ROBO2: variants seen among roughly 807,000 people sequenced by gnomAD.
ROBO2 encodes roundabout guidance receptor 2.
A neutral mutation model predicts 160.8 loss-of-function variants in ROBO2; 53 were observed. That is an observed-to-expected ratio of 0.33 (90% CI 0.26 to 0.41). The LOEUF (loss-of-function observed/expected upper bound fraction) is 0.41, where lower values mean the gene tolerates loss of function less well. Among genes scored for constraint, ROBO2 ranks in the 10% least tolerant of loss-of-function variants. ROBO2 has a pLI of 1.00. For missense variants in ROBO2, 1,577 were observed against 1,722.4 expected (o/e 0.92, Z 1.49); for synonymous variants, 664 against 611.7 (o/e 1.09, Z -1.26).
intron 2 of ROBO2, among the ~76,000 whole-genome samples, chr3:76,629,794 A>G (rs1399631697): frequency 6.6e-6 from 1 of 152,214 alleles, no homozygotes; most frequent in African/African-American, 2.4e-5. Flanking sequence ...TAAATGTATT[A>G]TCAGCAAACT....
intron 2 of ROBO2, among the ~76,000 whole-genome samples, chr3:76,773,931 A>G (rs2108527232): frequency 6.6e-6 from 1 of 150,988 alleles, no homozygotes; most frequent in Non-Finnish European, 1.5e-5. Flanking sequence ...GGAGCTGTGA[A>G]ATTTGCTCCA....
chr3:76,507,010 C>T (rs2080833367), intron 2 of ROBO2, among the ~76,000 whole-genome samples: 1 of 152,064 alleles, frequency 6.6e-6, no homozygotes, highest in Admixed American at 6.5e-5. Context: ...TTGGAGTCTT[C>T]TCTCAGAAAT....
At chr3:76,624,525 C>T (rs572466433) in intron 2 of ROBO2, among the ~76,000 whole-genome samples, 19 of 143,082 alleles carry the variant, frequency 1.3e-4, no homozygotes, top group African/African-American at 4.8e-4. Context: ...AGGCCGGGCG[C>T]GGTGGGCTCA....
chr3:77,299,323 C>T (rs563686734), intron 2 of ROBO2, among the ~76,000 whole-genome samples: 2 of 152,208 alleles, frequency 1.3e-5, no homozygotes, highest in East Asian at 1.9e-4. Flanking sequence ...GAAGACTAGT[C>T]TGGAGATAAG....
intron 2 of ROBO2, among the ~76,000 whole-genome samples, chr3:77,274,432 T>G (rs1560400976): frequency 6.6e-6 from 1 of 152,118 alleles, no homozygotes; most frequent in Admixed American, 6.6e-5. Flanking sequence ...GAATATAAAA[T>G]TTTTAGAATT....
chr3:77,503,199 C>A (rs757017559), intron 5 of ROBO2, among the ~76,000 whole-genome samples: 1 of 151,464 alleles, frequency 6.6e-6, no homozygotes, highest in Admixed American at 6.6e-5. Flanking sequence ...TATGTACCCA[C>A]AAAAAATTTT....
chr3:76,640,614 T>G (rs1448852008), intron 2 of ROBO2, among the ~76,000 whole-genome samples: 4 of 151,870 alleles, frequency 2.6e-5, no homozygotes, highest in Non-Finnish European at 4.4e-5. Flanking sequence ...TGTGTGTGTG[T>G]GTGTGTGTGT....
intron 2 of ROBO2, among the ~76,000 whole-genome samples, chr3:76,448,837 A>T (rs976608960): frequency 6.6e-6 from 1 of 152,132 alleles, no homozygotes; most frequent in African/African-American, 2.4e-5. Flanking sequence ...AGGGTAAAGT[A>T]CCCACGGTTG....
At chr3:77,564,830 C>T in intron 11 of ROBO2, 124 bp from the exon 13 acceptor site, 1 of 843,066 alleles carries the variant, frequency 1.2e-6, no homozygotes, top group South Asian at 1.4e-5. Context: ...CTGAATACTT[C>T]AAGTGTTGTG....
chr3:77,042,541 A>G (rs969854899), intron 1 of ROBO2, among the ~76,000 whole-genome samples: 3 of 152,214 alleles, frequency 2.0e-5, no homozygotes, highest in African/African-American at 7.2e-5. Context: ...TAAATTGCTC[A>G]GTGGAAGTGA....
At chr3:76,987,730 T>C (rs6783342) in intron 2 of ROBO2, among the ~76,000 whole-genome samples, 43,848 of 152,014 alleles carry the variant, frequency 0.29, 6,872 homozygotes, top group East Asian at 0.65. Context: ...TTCTCATAGA[T>C]TTTTTGTACC....
At chr3:76,326,796 A>G (rs2107966022) in intron 2 of ROBO2, among the ~76,000 whole-genome samples, 1 of 103,724 alleles carries the variant, frequency 9.6e-6, no homozygotes, top group East Asian at 2.8e-4. Flanking sequence ...CAGTCCCCAG[A>G]GCGTGATGTT....
intron 22 of ROBO2, 39 bp downstream of exon 23, chr3:77,617,812 A>G (rs1369699727): frequency 6.2e-7 from 1 of 1,605,600 alleles, no homozygotes; most frequent in Non-Finnish European, 8.5e-7. Context: ...CATGCTTTCA[A>G]CACATGGAAA....
At chr3:76,456,015 T>G (rs1371571500) in intron 2 of ROBO2, among the ~76,000 whole-genome samples, 1 of 152,190 alleles carries the variant, frequency 6.6e-6, no homozygotes, top group Non-Finnish European at 1.5e-5. Context: ...GTGTTGATAA[T>G]AAGACAATAC....
chr3:76,554,716 A>G lies in ROBO2; in HGVS notation c.110-543298A>G, dbSNP rs185642985. The stretch of plus-strand genomic sequence containing the variant: ...AGGGAAACTGCTTCTATATAATGAG[A>G]GGCTTTCAGTATTTAATTGATTTAA... On this transcript the variant is annotated intron_variant, in intron 2 of 26. Coordinates refer to the ROBO2 transcript ENST00000487694. Among the ~76,000 whole-genome samples, 542 of 152,150 alleles carry G rather than the reference A, an allele frequency of 3.6e-3. 3 individuals carry two copies. Among genetic ancestry groups the G allele is most frequent in the Middle Eastern group, 6.8e-3 (2 of 294 alleles).
intron 2 of ROBO2, among the ~76,000 whole-genome samples, chr3:75,997,499 C>CTT (rs56890342): frequency 2.4e-5 from 3 of 126,524 alleles, no homozygotes; most frequent in Non-Finnish European, 3.3e-5. Flanking sequence ...TTCATCCATT[C>CTT]TTTTTTTTTT....
At chr3:76,544,156 C>G (rs1402829704) in intron 2 of ROBO2, among the ~76,000 whole-genome samples, 1 of 152,000 alleles carries the variant, frequency 6.6e-6, no homozygotes, top group African/African-American at 2.4e-5. Flanking sequence ...TGCTCAGTTT[C>G]TTCATGTCCT....
intron 2 of ROBO2, among the ~76,000 whole-genome samples, chr3:76,716,476 T>A (rs2107662138): frequency 6.6e-6 from 1 of 152,344 alleles, no homozygotes; most frequent in South Asian, 2.1e-4. Context: ...AGATATTCCA[T>A]GCTGAGGTTA....
At chr3:76,103,852 T>C (rs958140478) in intron 2 of ROBO2, among the ~76,000 whole-genome samples, 8 of 152,186 alleles carry the variant, frequency 5.3e-5, no homozygotes, top group African/African-American at 1.9e-4. Context: ...TGACTCCTGG[T>C]GGGGCTGCTG....
Sources: allele counts gnomAD v4.1 joint callset (sites outside exome capture counted in the v4.1 genomes callset), GRCh38; gene constraint gnomAD v4.1.1; transcripts MANE v1.5; gene names NCBI Gene and HGNC (gene_info 2026-07-23, HGNC 2026-07-21).